SCAF4: variants seen among roughly 807,000 people sequenced by gnomAD.
SCAF4 encodes the protein SR-related and CTD-associated factor 4.
Under a neutral mutation model 129.8 loss-of-function variants are expected in SCAF4, and 25 were observed. That is an observed-to-expected ratio of 0.19 (90% CI 0.14 to 0.27). The LOEUF (loss-of-function observed/expected upper bound fraction) is 0.27. Ranked by LOEUF, SCAF4 falls within the 10% of genes least tolerant of loss-of-function variation. The pLI is 1.00. For synonymous variants in SCAF4, 551 were observed against 497.7 expected (o/e 1.11, Z -1.43); for missense variants, 1,246 against 1,457.1 (o/e 0.86, Z 2.36).
At chr21:31,697,675 T>C (rs1386006190) in intron 7 of SCAF4, among the ~76,000 whole-genome samples, 1 of 152,224 alleles carries the variant, frequency 6.6e-6, no homozygotes, top group Non-Finnish European at 1.5e-5. Context: ...TTCCTGAACC[T>C]TGTCATTCTA....
rs73201506 is a variant in SCAF4, at chr21:31,672,095, A to G, written c.2748T>C (p.Val916=). 0.042 allele frequency: 67,417 copies of G among 1,613,248 alleles called. 1,723 individuals carry two copies. The highest frequency in any genetic ancestry group is 0.047 in the Non-Finnish European group (56,014 of 1,179,274). ...CGAGCCCTGGCATTCCACCAGGCCT[A>G]ACAAAGGGGCCATGCGGTGGGAAGG... ...KGPFPPHGPF[V]RPGGMPGLGG... Residue 916 remains valine, a synonymous_variant, in exon 20 of 20, where the codon GTT becomes GTC. Transcript: ENST00000286835.
chr21:31,682,682 T>TA (rs1259741895), intron 19 of SCAF4, among the ~76,000 whole-genome samples: 21 of 152,336 alleles, frequency 1.4e-4, no homozygotes, highest in African/African-American at 4.8e-4. Flanking sequence ...CTTCTAGACT[T>TA]ATAGTTTTCT....
intron 19 of SCAF4, among the ~76,000 whole-genome samples, chr21:31,678,799 T>A (rs1166265765): frequency 1.3e-5 from 2 of 152,204 alleles, no homozygotes; most frequent in African/African-American, 4.8e-5. Flanking sequence ...GTATTTAAAA[T>A]TGTACATATC....
At chr21:31,723,629 T>TGTGC (rs1271033175) in intron 1 of SCAF4, among the ~76,000 whole-genome samples, 5,130 of 149,000 alleles carry the variant, frequency 0.034, 93 homozygotes, top group Middle Eastern at 0.066. Context: ...TGTGTGTGTG[T>TGTGC]GCGCGCGCGC....
intron 1 of SCAF4, among the ~76,000 whole-genome samples, chr21:31,715,088 T>C (rs1299052245): frequency 6.6e-6 from 1 of 152,190 alleles, no homozygotes; most frequent in African/African-American, 2.4e-5. Flanking sequence ...CAAATTACAC[T>C]TTTGAGGTCA....
chr21:31,696,666 T>C lies in SCAF4; in HGVS notation c.862A>G (p.Thr288Ala), dbSNP rs1382178945. ...GGGGGTACTGCGGCAGCAGGTGCTG[T>C]CGTGGTGACGGCAGTGGTATCCTCT... ...KKEDTTAVTT[T>A]APAAAVPPAP... The change falls in exon 8 of 20, where the codon ACA (threonine) becomes GCA (alanine). Residue 288 changes from threonine (T) to alanine (A), a missense_variant. Thr to Ala is a moderately conservative substitution (Grantham distance 58). Around this residue, in one of 6 missense-constraint regions of SCAF4, gnomAD observed 236 missense variants for 210.0 expected, o/e 1.12. Coordinates refer to ENST00000286835, the MANE Select transcript of SCAF4 (RefSeq NM_020706.2). The C allele has an allele frequency of 6.2e-7, 1 of 1,614,000 alleles. No individual in the cohort carries two copies. The highest frequency in any genetic ancestry group is 8.5e-7 in the Non-Finnish European group (1 of 1,179,862).
rs187061911 is a variant in SCAF4, at chr21:31,677,404, T to C, written c.2489-5050A>G. Among the ~76,000 whole-genome samples the C allele has an allele frequency of 1.9e-4, 29 of 152,288 alleles. 1 individual carries two copies. Among genetic ancestry groups the C allele is most frequent in the Admixed American group, 1.7e-3 (26 of 15,288 alleles). ...AAACTCCCTCACCCTGCATCTCCTTTCAGGTATCACCCCATCTTGTTTTTC... is the reference window on the plus strand; with the variant it reads ...AAACTCCCTCACCCTGCATCTCCTTCCAGGTATCACCCCATCTTGTTTTTC... On this transcript the variant is annotated intron_variant, in intron 19 of 19. Coordinates refer to ENST00000286835, the MANE Select transcript of SCAF4 (RefSeq NM_020706.2).
At chr21:31,702,914 C>T (rs563671093) in intron 4 of SCAF4, among the ~76,000 whole-genome samples, 2 of 152,262 alleles carry the variant, frequency 1.3e-5, no homozygotes, top group South Asian at 2.1e-4. Flanking sequence ...AATATAAAAA[C>T]AGCACCTATG....
chr21:31,710,570 C>CA (rs1411989148), intron 1 of SCAF4, among the ~76,000 whole-genome samples: 2 of 151,860 alleles, frequency 1.3e-5, no homozygotes, highest in East Asian at 1.9e-4. Context: ...AACAAACAAA[C>CA]AAAAAAACCA....
intron 1 of SCAF4, among the ~76,000 whole-genome samples, chr21:31,720,851 C>T (rs1450182043): frequency 1.3e-5 from 2 of 152,142 alleles, no homozygotes; most frequent in Non-Finnish European, 2.9e-5. Flanking sequence ...ACTTAGGATT[C>T]GGGATCAACA....
chr21:31,729,824 A>C (rs1444874448), intron 1 of SCAF4, among the ~76,000 whole-genome samples: 1 of 152,200 alleles, frequency 6.6e-6, no homozygotes, highest in Non-Finnish European at 1.5e-5. Context: ...TTTTTCAAGG[A>C]ATCAATACCA....
chr21:31,701,305 T>C (rs189902776), intron 6 of SCAF4, 134 bp from the exon 7 acceptor site: 889 of 652,778 alleles, frequency 1.4e-3, no homozygotes, highest in Non-Finnish European at 1.8e-3. Context: ...AAAAATCCTT[T>C]TATGAATGGT....
Position 31,731,489 on chromosome 21 carries a change from G to A in SCAF4, c.30+174C>T, listed in dbSNP as rs551299381. On this transcript the variant is annotated intron_variant, in intron 1 of 19. Transcript: ENST00000286835. ...GAGGGGTGCGGGGTCAGTTCCCGTG[G>A]TCGCCGCGACCTCTCCCGGGCCACA... Among the ~76,000 whole-genome samples the A allele has an allele frequency of 3.1e-3, 478 of 152,248 alleles. 3 individuals carry two copies. Among genetic ancestry groups the A allele is most frequent in the African/African-American group, 0.011 (459 of 41,568 alleles).
At chr21:31,723,087 G>T (rs1313172027) in intron 1 of SCAF4, among the ~76,000 whole-genome samples, 1 of 152,210 alleles carries the variant, frequency 6.6e-6, no homozygotes, top group Non-Finnish European at 1.5e-5. Flanking sequence ...TTGTGTATGT[G>T]TTGCTGTATG....
intron 19 of SCAF4, chr21:31,684,169 G>T (rs1299678471): frequency 6.5e-6 from 1 of 153,388 alleles, no homozygotes; most frequent in Non-Finnish European, 1.5e-5. Context: ...CTCAGATTAT[G>T]AAAGCAAACA....
chr21:31,726,109 GAT>G (rs2051197016), intron 1 of SCAF4, among the ~76,000 whole-genome samples: 1 of 150,648 alleles, frequency 6.6e-6, no homozygotes, highest in Non-Finnish European at 1.5e-5. Flanking sequence ...GCAGTGGCGC[GAT>G]CTCGGCTCAC....
chr21:31,683,436 A>C (rs1463276118), intron 19 of SCAF4, among the ~76,000 whole-genome samples: 1 of 152,236 alleles, frequency 6.6e-6, no homozygotes, highest in Non-Finnish European at 1.5e-5. Flanking sequence ...TTCAAGACCT[A>C]AATGTTAAAT....
In SCAF4 at chr21:31,701,010, T is replaced by C; in HGVS notation, c.762A>G (p.Lys254=). 6.2e-7 allele frequency: 1 copy of C among 1,614,122 alleles called. No individual in the cohort carries two copies. Among genetic ancestry groups the C allele is most frequent in the Non-Finnish European group, 8.5e-7 (1 of 1,180,016 alleles). ...AGAAATATACCTTGTCAAATGCAGT[T>C]TTCTGTTCAGGTGGGGGGAAAGCAG... ...QKAAFPPPEQ[K]TAFDKKLLDR... is the part of the protein sequence containing the mutation. Residue 254 remains lysine (K), a synonymous_variant, in exon 7 of 20, where the codon AAA becomes AAG. Transcript: ENST00000286835.
At chr21:31,686,866 T>C (rs1263461919) in intron 16 of SCAF4, among the ~76,000 whole-genome samples, 1 of 152,176 alleles carries the variant, frequency 6.6e-6, no homozygotes, top group Non-Finnish European at 1.5e-5. Context: ...CCTGAAACCA[T>C]CTTCCACTCC....
Sources: allele counts gnomAD v4.1 joint callset (sites outside exome capture counted in the v4.1 genomes callset), GRCh38; gene constraint gnomAD v4.1.1; regional missense constraint gnomAD v4.1.1; transcripts MANE v1.5; gene names NCBI Gene and HGNC (gene_info 2026-07-23, HGNC 2026-07-21).